LRRC4C: variants seen among roughly 807,000 people sequenced by gnomAD.
LRRC4C encodes the protein leucine rich repeat containing 4C.
In LRRC4C, 5 loss-of-function variants were observed where a neutral mutation model predicts 33.6. The ratio of observed to expected loss-of-function variants is 0.15; its 90% CI spans 0.08 to 0.31. LRRC4C has a LOEUF of 0.31. Ranked by LOEUF, LRRC4C falls within the 10% of genes least tolerant of loss-of-function variation. The probability of loss-of-function intolerance (pLI) is 1.00; values close to 1 mark genes in which losing one functional copy is unlikely to be tolerated. For synonymous variants in LRRC4C, 329 were observed against 302.0 expected (o/e 1.09, Z -0.93); for missense variants, 560 against 796.7 (o/e 0.70, Z 3.58).
At chr11:40,447,533 T>G (rs1247297505) in intron 3 of LRRC4C, among the ~76,000 whole-genome samples, 1 of 152,190 alleles carries the variant, frequency 6.6e-6, no homozygotes, top group Non-Finnish European at 1.5e-5. Context: ...TTTTTTTGTT[T>G]GTATTTTATT....
At chr11:40,918,757 C>A (rs929528713) in intron 2 of LRRC4C, among the ~76,000 whole-genome samples, 3 of 152,050 alleles carry the variant, frequency 2.0e-5, no homozygotes, top group Non-Finnish European at 4.4e-5. Context: ...GGTAGCTGGG[C>A]CTATAGCATG....
intron 3 of LRRC4C, among the ~76,000 whole-genome samples, chr11:40,608,101 G>T (rs902073020): frequency 1.3e-5 from 2 of 152,034 alleles, no homozygotes; most frequent in Non-Finnish European, 2.9e-5. Context: ...GAAGAATACA[G>T]AATACTAATA....
chr11:40,289,386 GC>G (rs1944046107), intron 4 of LRRC4C, among the ~76,000 whole-genome samples: 2 of 152,226 alleles, frequency 1.3e-5, no homozygotes, highest in South Asian at 4.1e-4. Context: ...ACAATTGAGA[GC>G]CAGGGAAATT....
At chr11:41,014,637 T>C (rs1855451358) in intron 1 of LRRC4C, among the ~76,000 whole-genome samples, 1 of 152,056 alleles carries the variant, frequency 6.6e-6, no homozygotes, top group Admixed American at 6.6e-5. Flanking sequence ...GCCAAATACG[T>C]ATTTAATCCC....
chr11:40,483,794 T>C (rs1247027769), intron 3 of LRRC4C, among the ~76,000 whole-genome samples: 1 of 150,684 alleles, frequency 6.6e-6, no homozygotes, highest in African/African-American at 2.4e-5. Context: ...TATATATATG[T>C]ATATATATGT....
At chr11:40,664,404 G>A (rs556076144) in intron 2 of LRRC4C, among the ~76,000 whole-genome samples, 15 of 152,052 alleles carry the variant, frequency 9.9e-5, no homozygotes, top group South Asian at 6.2e-4. Context: ...AATTAGATTG[G>A]CGTGGTGGTG....
chr11:41,231,164 T>C (rs1947774737), intron 1 of LRRC4C, among the ~76,000 whole-genome samples: 1 of 152,128 alleles, frequency 6.6e-6, no homozygotes, highest in South Asian at 2.1e-4. Flanking sequence ...ACACTGTTGG[T>C]GGGACTGTAA....
chr11:40,208,851 C>T (rs1040600061), intron 5 of LRRC4C, among the ~76,000 whole-genome samples: 1 of 152,080 alleles, frequency 6.6e-6, no homozygotes, highest in African/African-American at 2.4e-5. Context: ...ACTTCACATT[C>T]ACCGACTTCA....
chr11:41,063,089 G>T (rs1395006202), intron 1 of LRRC4C, among the ~76,000 whole-genome samples: 1 of 152,170 alleles, frequency 6.6e-6, no homozygotes, highest in Non-Finnish European at 1.5e-5. Flanking sequence ...TAGTTTAAAA[G>T]AGAACACATT....
chr11:41,290,607 T>C (rs1949964763), intron 1 of LRRC4C, among the ~76,000 whole-genome samples: 9 of 152,182 alleles, frequency 5.9e-5, no homozygotes, highest in Admixed American at 5.2e-4. Flanking sequence ...TGAAAACATC[T>C]GGGACACATT....
chr11:41,005,272 T>C (rs1274207112), intron 1 of LRRC4C, among the ~76,000 whole-genome samples: 1 of 152,096 alleles, frequency 6.6e-6, no homozygotes, highest in Non-Finnish European at 1.5e-5. Flanking sequence ...TACCCTCCCT[T>C]CAGTAACAAG....
chr11:41,080,342 C>CTTTTTTTTTTTTTTTTTTTTTT (rs71060997), intron 1 of LRRC4C, among the ~76,000 whole-genome samples: 11 of 103,434 alleles, frequency 1.1e-4, no homozygotes, highest in African/African-American at 1.5e-4. Context: ...GAGTCTCCTC[C>CTTTTTTTTTTTTTTTTTTTTTT]TTTTTTTTTT....
intron 3 of LRRC4C, among the ~76,000 whole-genome samples, chr11:40,355,793 A>T (rs1197609193): frequency 2.0e-5 from 3 of 151,984 alleles, no homozygotes; most frequent in African/African-American, 4.8e-5. Context: ...GTGATCACAA[A>T]CCTGATTTTT....
At chr11:41,320,440 A>C (rs1290472227) in intron 1 of LRRC4C, among the ~76,000 whole-genome samples, 1 of 152,242 alleles carries the variant, frequency 6.6e-6, no homozygotes, top group African/African-American at 2.4e-5. Context: ...AAATGCTTTC[A>C]ATAGAATAGT....
chr11:41,384,548 T>A (rs1214883512), intron 1 of LRRC4C, among the ~76,000 whole-genome samples: 2 of 151,486 alleles, frequency 1.3e-5, no homozygotes, highest in African/African-American at 4.8e-5. Flanking sequence ...GCATTACATA[T>A]GGTAGAAGAA....
intron 2 of LRRC4C, among the ~76,000 whole-genome samples, chr11:40,872,144 C>T (rs2135946601): frequency 6.6e-6 from 1 of 152,206 alleles, no homozygotes; most frequent in South Asian, 2.1e-4. Context: ...ATCGGGACAT[C>T]CACCAGTTAA....
chr11:41,175,416 T>C (rs1945156410), intron 1 of LRRC4C, among the ~76,000 whole-genome samples: 1 of 152,130 alleles, frequency 6.6e-6, no homozygotes, highest in Admixed American at 6.6e-5. Context: ...GCAAACTACA[T>C]GTCTAAAGTA....
intron 3 of LRRC4C, among the ~76,000 whole-genome samples, chr11:40,404,476 T>C (rs1481260294): frequency 1.3e-5 from 2 of 152,166 alleles, no homozygotes; most frequent in Admixed American, 1.3e-4. Context: ...ACCTTCCATA[T>C]TAAACTATGC....
chr11:40,755,255 G>T (rs534876752), intron 2 of LRRC4C, among the ~76,000 whole-genome samples: 1 of 152,114 alleles, frequency 6.6e-6, no homozygotes, highest in Non-Finnish European at 1.5e-5. Context: ...TCAGTTATAT[G>T]CCAGGCAATA....
Sources: allele counts gnomAD v4.1 joint callset (sites outside exome capture counted in the v4.1 genomes callset), GRCh38; gene constraint gnomAD v4.1.1; transcripts MANE v1.5; gene names NCBI Gene and HGNC (gene_info 2026-07-23, HGNC 2026-07-21).